EIF4G3: variants seen among roughly 807,000 people sequenced by gnomAD.
The protein encoded by EIF4G3 is eIF-4-gamma 3.
EIF4G3 carries 34 observed loss-of-function variants against 186.4 expected under a neutral mutation model. That is an observed-to-expected ratio of 0.18 (90% confidence interval 0.14 to 0.24). The LOEUF (loss-of-function observed/expected upper bound fraction) is 0.24, where lower values mean the gene tolerates loss of function less well. Among genes scored for constraint, EIF4G3 ranks in the 10% least tolerant of loss-of-function variants. The probability of loss-of-function intolerance (pLI) is 1.00; values close to 1 mark genes in which losing one functional copy is unlikely to be tolerated. For missense variants in EIF4G3, 1,536 were observed against 1,948.5 expected (o/e 0.79, Z 3.99); for synonymous variants, 673 against 679.5 (o/e 0.99, Z 0.15).
intron 4 of EIF4G3, among the ~76,000 whole-genome samples, chr1:21,004,773 T>C (rs1376787778): frequency 1.3e-5 from 2 of 152,046 alleles, no homozygotes; most frequent in East Asian, 3.9e-4. Context: ...ACGTTCCAAA[T>C]AACAAAACAA....
intron 7 of EIF4G3, among the ~76,000 whole-genome samples, chr1:20,986,168 G>A (rs777971842): frequency 1.1e-4 from 16 of 152,066 alleles, no homozygotes; most frequent in African/African-American, 1.9e-4. Flanking sequence ...CAAAGGTATC[G>A]AGGTGGGGTC....
At chr1:20,866,978 T>C (rs185368862) in intron 20 of EIF4G3, among the ~76,000 whole-genome samples, 11 of 152,344 alleles carry the variant, frequency 7.2e-5, no homozygotes, top group Admixed American at 2.6e-4. Flanking sequence ...ATTACAGATT[T>C]ACTGTGTAGA....
chr1:20,910,160 CAATT>C (rs1160352044), intron 14 of EIF4G3, among the ~76,000 whole-genome samples: 1 of 151,798 alleles, frequency 6.6e-6, no homozygotes, highest in East Asian at 1.9e-4. Context: ...TGAAAGCAAT[CAATT>C]AATAGGGAGA....
intron 7 of EIF4G3, among the ~76,000 whole-genome samples, chr1:20,987,863 G>C (rs1001415012): frequency 9.2e-5 from 14 of 152,182 alleles, no homozygotes; most frequent in Non-Finnish European, 1.6e-4. Flanking sequence ...TAGTGAGGAA[G>C]GCATGTTAAA....
chr1:20,913,800 ATTTTTT>A (rs68098768), intron 14 of EIF4G3, among the ~76,000 whole-genome samples: 14 of 75,658 alleles, frequency 1.9e-4, no homozygotes, highest in African/African-American at 4.7e-4. Flanking sequence ...AATTATTAGA[ATTTTTT>A]TTTTTTTTTT....
In EIF4G3 at chr1:20,942,065, T is replaced by C. The variant is rs1303338867; in HGVS notation, c.1089A>G (p.Arg363=). ...GGCTGGGTATAGGAATTGTGTCTTC[T>C]CTTGGGGATGAGAGTTCACATCTGT... ...IDDRCELSSP[R]EDTIPIPSLT... is the part of the protein sequence containing the mutation. Residue 363 remains arginine, a synonymous_variant, in exon 14 of 37, where the codon AGA becomes AGG. Transcript: ENST00000602326. 3.1e-6 allele frequency: 5 copies of C among 1,614,070 alleles called. No homozygotes were observed. Among genetic ancestry groups the C allele is most frequent in the African/African-American group, 1.3e-5 (1 of 74,936 alleles).
chr1:21,038,650 TC>T (rs2093379833), intron 4 of EIF4G3, among the ~76,000 whole-genome samples: 1 of 152,206 alleles, frequency 6.6e-6, no homozygotes. Context: ...TCCACTAATT[TC>T]TTTCTTTCTT....
intron 14 of EIF4G3, among the ~76,000 whole-genome samples, chr1:20,915,228 T>G (rs2093725460): frequency 6.6e-6 from 1 of 152,188 alleles, no homozygotes; most frequent in Non-Finnish European, 1.5e-5. Context: ...GGAGGCTCTG[T>G]GGAAGAATCT....
intron 2 of EIF4G3, among the ~76,000 whole-genome samples, chr1:21,149,798 A>G (rs994086092): frequency 7.9e-5 from 12 of 152,194 alleles, no homozygotes; most frequent in Non-Finnish European, 1.3e-4. Context: ...TCTCTGAGAG[A>G]TAATTCGCAT....
chr1:21,101,429 C>T (rs1290498690), intron 2 of EIF4G3, among the ~76,000 whole-genome samples: 1 of 151,700 alleles, frequency 6.6e-6, no homozygotes, highest in African/African-American at 2.4e-5. Flanking sequence ...GTTAGCCAGA[C>T]ATGGTGGTGG....
At chr1:20,944,761 G>T (rs1573291834) in intron 13 of EIF4G3, among the ~76,000 whole-genome samples, 1 of 151,440 alleles carries the variant, frequency 6.6e-6, no homozygotes, top group South Asian at 2.1e-4. Context: ...GGCCAGGCAT[G>T]GTGAGCTCAT....
intron 34 of EIF4G3, among the ~76,000 whole-genome samples, chr1:20,814,756 TCCCC>T (rs771917267): frequency 0.035 from 833 of 23,626 alleles, 75 homozygotes; most frequent in African/African-American, 0.066. Flanking sequence ...CATCTCCCCC[TCCCC>T]CTCCCCCTCC....
At position 20,899,758 on chromosome 1, in the gene EIF4G3, T is replaced by C. The variant is rs2089669528; in HGVS notation, c.1938A>G (p.Ile646Met). The part of the protein sequence containing the change: ...GAESVSEGEG[I>M]DANSGSTDSS... ...TATCTGTGGAGCCTGAATTAGCATC[T>C]ATTCCTTCACCCTCAGAAACACTCT... Residue 646 changes from isoleucine (I) to methionine (M), a missense_variant, in exon 16 of 37, where the codon ATA (isoleucine) becomes ATG (methionine). Around this residue, in one of 11 missense-constraint regions of EIF4G3, gnomAD observed 560 missense variants for 547.8 expected, o/e 1.02. Coordinates refer to ENST00000602326, the MANE Select transcript of EIF4G3 (RefSeq NM_001391906.1). 1.2e-6 allele frequency: 2 copies of C among 1,614,162 alleles called. No individual in the cohort carries two copies. The highest frequency in any genetic ancestry group is 1.7e-6 in the Non-Finnish European group (2 of 1,180,008).
intron 20 of EIF4G3, among the ~76,000 whole-genome samples, chr1:20,876,454 A>C (rs1026386871): frequency 2.6e-5 from 4 of 150,956 alleles, no homozygotes; most frequent in Non-Finnish European, 4.4e-5. Context: ...AAAAAAAAAA[A>C]AAAAAACAAA....
intron 2 of EIF4G3, among the ~76,000 whole-genome samples, chr1:21,172,694 G>A (rs1277075940): frequency 6.6e-5 from 10 of 152,042 alleles, no homozygotes; most frequent in Admixed American, 3.3e-4. Flanking sequence ...GACTACAGGC[G>A]CCTGCCACCA....
At chr1:20,961,085 T>C (rs1266493647) in intron 12 of EIF4G3, among the ~76,000 whole-genome samples, 1 of 152,146 alleles carries the variant, frequency 6.6e-6, no homozygotes, top group Non-Finnish European at 1.5e-5. Flanking sequence ...TGCAAATTCC[T>C]TAAAAATAAT....
At chr1:20,825,249 C>CAAAAAAA in intron 32 of EIF4G3, 51 bp from the exon 33 acceptor site, 1 of 213,754 alleles carries the variant, frequency 4.7e-6, no homozygotes, top group South Asian at 1.2e-4. Flanking sequence ...GAAGAAGAAA[C>CAAAAAAA]AGAAAAAAAA....
At chr1:21,149,746 G>A (rs997269201) in intron 2 of EIF4G3, among the ~76,000 whole-genome samples, 2 of 152,154 alleles carry the variant, frequency 1.3e-5, no homozygotes, top group Non-Finnish European at 2.9e-5. Context: ...CTGCACGAAA[G>A]GGAAGACCTT....
chr1:20,981,240 G>GAA lies in EIF4G3; in HGVS notation c.199-15_199-14dup. The GAA allele has an allele frequency of 2.1e-6, 3 of 1,452,432 alleles. No homozygotes were observed. The highest frequency in any genetic ancestry group is 1.4e-5 in the South Asian group (1 of 71,886). The allele number at this position is 1,452,432 out of a possible 1,614,324, so 90.0% of individuals were successfully genotyped here. ...GCCTCTGGAAAAACTGGGAAGGGGA[G>GAA]AAAAAAAAAATTTTTTTTTTTTTTT... On this transcript the variant is annotated splice_polypyrimidine_tract_variant and intron_variant, in intron 8 of 36. Coordinates refer to ENST00000602326, the MANE Select transcript of EIF4G3 (RefSeq NM_001391906.1).
Sources: gnomAD v4.1 joint callset for allele counts (sites outside exome capture counted in the v4.1 genomes callset) on GRCh38, gnomAD v4.1.1 for gene constraint, gnomAD v4.1.1 regional missense constraint, MANE v1.5 for transcripts, NCBI Gene and HGNC (gene_info 2026-07-23, HGNC 2026-07-21) for gene names.